The following BICD2 variants were observed in gnomAD, a reference collection of about 807,000 sequenced individuals.
BICD2 encodes BICD cargo adaptor 2, also known as protein bicaudal D homolog 2.
In BICD2, 25 loss-of-function variants were observed where a neutral mutation model predicts 72.9. That is an observed-to-expected ratio of 0.34 (90% CI 0.25 to 0.48). BICD2 has a LOEUF of 0.48. Among genes scored for constraint, BICD2 ranks in the 20% least tolerant of loss-of-function variants. The pLI, the probability that BICD2 is intolerant of heterozygous loss-of-function variation, is 0.99. For missense variants in BICD2, 894 were observed against 1,175.2 expected, an observed-to-expected ratio of 0.76 and a Z score of 3.50; for synonymous variants, 501 against 516.1, an observed-to-expected ratio of 0.97 and a Z score of 0.40.
At position 92,713,645 on chromosome 9, in the gene BICD2, G is replaced by A. The variant is rs1372796788; in HGVS notation, c.*1509C>T. 3.4e-6 allele frequency: 5 copies of A among 1,468,810 alleles called. No homozygotes were observed. In the Admixed American group the frequency reaches 6.6e-5, roughly 19 times the overall value. The allele number at this position is 1,468,810 out of a possible 1,614,324, so 91.0% of individuals were successfully genotyped here. Reference sequence around the variant, plus strand: ...CTGCAAAGTCCCTTAGGAGTATGGAGAGAAGCTATGTGCCAGGCTTGCAAG... The same window carrying A: ...CTGCAAAGTCCCTTAGGAGTATGGAAAGAAGCTATGTGCCAGGCTTGCAAG... On this transcript the variant is annotated 3_prime_UTR_variant, in exon 7 of 7. Coordinates refer to ENST00000356884, the MANE Select transcript of BICD2 (RefSeq NM_001003800.2).
chr9:92,736,879 C>T (rs1434710391), intron 1 of BICD2, among the ~76,000 whole-genome samples: 1 of 152,204 alleles, frequency 6.6e-6, no homozygotes, highest in African/African-American at 2.4e-5. Flanking sequence ...GGTGCACAGT[C>T]TGGCTGTAGC....
intron 1 of BICD2, among the ~76,000 whole-genome samples, chr9:92,741,993 A>G (rs1289078929): frequency 1.3e-5 from 2 of 152,248 alleles, no homozygotes; most frequent in African/African-American, 2.4e-5. Context: ...TAACCCCCAG[A>G]TATTAACTTA....
At position 92,715,264 on chromosome 9, in the gene BICD2, C is replaced by G; in HGVS notation, c.2458G>C (p.Ala820Pro). 1 of 1,613,054 alleles carries G rather than the reference C, an allele frequency of 6.2e-7. No individual in the cohort carries two copies. Among genetic ancestry groups the G allele is most frequent in the Non-Finnish European group, 8.5e-7 (1 of 1,179,902 alleles). Residue 820 changes from alanine to proline, a missense_variant, in exon 7 of 7, where the codon GCC (alanine) becomes CCC (proline). Physicochemically the swap from Ala to Pro is conservative, Grantham distance 27. Transcript: ENST00000356884. ...RAKAAPKTKP[A>P]TPSVSHTCAC... ...CAGGTGTGACTTACGCTCGGTGTGG[C>G]TGGCTTGGTCTTCGGGGCGGCTTTG...
intron 1 of BICD2, among the ~76,000 whole-genome samples, chr9:92,747,149 G>T (rs1461720663): frequency 6.6e-6 from 1 of 152,164 alleles, no homozygotes; most frequent in Non-Finnish European, 1.5e-5. Context: ...AGACCTTCTG[G>T]ATGACTTCCC....
intron 6 of BICD2, among the ~76,000 whole-genome samples, chr9:92,716,926 C>A (rs549895622): frequency 2.6e-5 from 4 of 152,326 alleles, no homozygotes; most frequent in Admixed American, 2.0e-4. Context: ...AAGCCCCGGC[C>A]CTCTCCTCAC....
Position 92,719,360 on chromosome 9 carries a change from T to C in BICD2, c.1285A>G (p.Ile429Val). Residue 429 changes from isoleucine to valine, a missense_variant, in exon 5 of 7, where the codon ATC (isoleucine) becomes GTC (valine). Physicochemically the swap from Ile to Val is conservative, Grantham distance 29. This residue lies in a region of BICD2 where 371 missense variants were observed against 439.1 expected (regional missense o/e 0.84). Transcript: ENST00000356884. ...HEDGDYYEVD[I>V]NGPEILACKY... ...CAGGCCAAGATCTCAGGCCCGTTGATGTCCACCTCGTAGTAGTCCCCATCC... is the reference window on the plus strand; with the variant it reads ...CAGGCCAAGATCTCAGGCCCGTTGACGTCCACCTCGTAGTAGTCCCCATCC... The C allele has an allele frequency of 1.9e-6, 3 of 1,614,220 alleles. No homozygotes were observed. Among genetic ancestry groups the C allele is most frequent in the Non-Finnish European group, 2.5e-6 (3 of 1,180,028 alleles).
Position 92,713,705 on chromosome 9 carries a change from G to A in BICD2, c.*1449C>T. The A allele has an allele frequency of 7.2e-7, 1 of 1,389,064 alleles. No homozygotes were observed. The highest frequency in any genetic ancestry group is 9.4e-7 in the Non-Finnish European group (1 of 1,067,948). The allele number at this position is 1,389,064 out of a possible 1,614,324, so 86.0% of individuals were successfully genotyped here. A position where few individuals can be genotyped will look rare whatever the true frequency, so the allele number is the denominator to read the frequency against. Reference sequence around the variant, plus strand: ...AAGCGCATGCAGGGTGGGCATGCCAGCAGCCATCCCACTGCGAGTCTTGCT... The same window carrying A: ...AAGCGCATGCAGGGTGGGCATGCCAACAGCCATCCCACTGCGAGTCTTGCT... On this transcript the variant is annotated 3_prime_UTR_variant, in exon 7 of 7. Transcript: ENST00000356884.
intron 1 of BICD2, among the ~76,000 whole-genome samples, chr9:92,735,141 G>A (rs1321079720): frequency 6.6e-6 from 1 of 152,176 alleles, no homozygotes; most frequent in Admixed American, 6.5e-5. Context: ...CTGGGTGTGA[G>A]GTCACCACCA....
chr9:92,725,055 T>TGA (rs1240428829), intron 2 of BICD2, among the ~76,000 whole-genome samples: 1 of 152,122 alleles, frequency 6.6e-6, no homozygotes, highest in Non-Finnish European at 1.5e-5. Context: ...CAGTGGGAAG[T>TGA]GAGAGCCCAG....
In BICD2 at chr9:92,713,386, G is replaced by T; in HGVS notation, c.*1768C>A. ...GGTTGCCCTTCCTTCCTCCTTGTGG[G>T]CCACGAGAGGGAAGGGGAAGGGGCT... is the stretch of plus-strand genomic sequence containing the variant. On this transcript the variant is annotated 3_prime_UTR_variant, in exon 7 of 7. Coordinates refer to ENST00000356884, the MANE Select transcript of BICD2 (RefSeq NM_001003800.2). The T allele has an allele frequency of 6.6e-7, 1 of 1,514,766 alleles. No individual in the cohort carries two copies. 93.8% of individuals were successfully genotyped at this position (1,514,766 alleles called of 1,614,324 possible).
intron 1 of BICD2, among the ~76,000 whole-genome samples, chr9:92,746,458 G>A (rs544615799): frequency 2.6e-5 from 4 of 151,932 alleles, no homozygotes; most frequent in South Asian, 2.1e-4. Flanking sequence ...GCTTGAACCC[G>A]GGAGCAGAGG....
In BICD2 at chr9:92,719,542, T is replaced by C; in HGVS notation, c.1103A>G (p.Asp368Gly). The C allele has an allele frequency of 6.2e-7, 1 of 1,611,126 alleles. No homozygotes were observed. The highest frequency in any genetic ancestry group is 8.5e-7 in the Non-Finnish European group (1 of 1,179,314). ...EKAGLLATLQ[D>G]TQKQLEHTRG... ...CGTGTGCTCCAGCTGCTTCTGTGTG[T>C]CCTGCAGCGTTGCCAGCAGGCCCGC... Residue 368 changes from aspartate (D) to glycine (G), a missense_variant, in exon 5 of 7, where the codon GAC (aspartate) becomes GGC (glycine). By Grantham distance (94) the Asp-to-Gly change is moderately conservative. This residue lies in a region of BICD2 where 371 missense variants were observed against 439.1 expected (regional missense o/e 0.84). Coordinates refer to ENST00000356884, the MANE Select transcript of BICD2 (RefSeq NM_001003800.2).
At position 92,720,293 on chromosome 9, in the gene BICD2, T is replaced by G. The variant is rs766675228; in HGVS notation, c.1062+7A>C. ...ACAGCGTGCCGAAGGCCCCACTGCC[T>G]GCTCACCTGCATCAGCTGCTGCTTC... On this transcript the variant is annotated splice_region_variant and intron_variant, in intron 4 of 6. Transcript: ENST00000356884. The surrounding 1 kb of genome is among the most constrained non-coding windows in gnomAD (Gnocchi z 5.4). 2 of 1,603,344 alleles carry G rather than the reference T, an allele frequency of 1.2e-6. No homozygotes were observed. Among genetic ancestry groups the G allele is most frequent in the Non-Finnish European group, 1.7e-6 (2 of 1,174,166 alleles).
chr9:92,745,184 A>G (rs1368746672), intron 1 of BICD2, among the ~76,000 whole-genome samples: 1 of 152,180 alleles, frequency 6.6e-6, no homozygotes, highest in East Asian at 1.9e-4. Flanking sequence ...CCCCACAAAC[A>G]GATGTACAGC....
intron 1 of BICD2, among the ~76,000 whole-genome samples, chr9:92,734,781 G>T (rs1853745354): frequency 6.6e-6 from 1 of 152,150 alleles, no homozygotes; most frequent in South Asian, 2.1e-4. Context: ...GCCCTGCAGG[G>T]TATGATCCCC....
In BICD2 at chr9:92,764,514, C is replaced by G; in HGVS notation, c.231G>C (p.Gln77His). 1 of 1,532,756 alleles carries G rather than the reference C, an allele frequency of 6.5e-7. No homozygotes were observed. Among genetic ancestry groups the G allele is most frequent in the Non-Finnish European group, 8.8e-7 (1 of 1,139,532 alleles). The allele number at this position is 1,532,756 out of a possible 1,614,324, so 94.9% of individuals were successfully genotyped here. A position where few individuals can be genotyped will look rare whatever the true frequency, so the allele number is the denominator to read the frequency against. Residue 77 changes from glutamine (Q) to histidine (H), a missense_variant, in exon 1 of 7, where the codon CAG (glutamine) becomes CAC (histidine). By Grantham distance (24) the Gln-to-His change is conservative. Around this residue, in one of 5 missense-constraint regions of BICD2, gnomAD observed 192 missense variants for 243.6 expected, o/e 0.79. Coordinates refer to ENST00000356884, the MANE Select transcript of BICD2 (RefSeq NM_001003800.2). This position sits in a 1 kb window ranked among gnomAD's most constrained non-coding sequence, Gnocchi z 5.5. ...DYEAIRSEME[Q>H]LKEAFGQAHT... ...GGGCGGCTCGGCTCACCTCCTTGAG[C>G]TGCTCCATCTCGCTGCGGATAGCCT...
chr9:92,759,822 C>A (rs1265439876), intron 1 of BICD2, among the ~76,000 whole-genome samples: 5 of 152,214 alleles, frequency 3.3e-5, no homozygotes, highest in African/African-American at 1.2e-4. Context: ...TCTGGTCCAC[C>A]TATGTGGGGA....
chr9:92,748,302 C>G (rs576629199), intron 1 of BICD2, among the ~76,000 whole-genome samples: 4 of 152,154 alleles, frequency 2.6e-5, no homozygotes, highest in Non-Finnish European at 5.9e-5. Flanking sequence ...GAATCACGCA[C>G]GATGTGCACA....
chr9:92,728,695 T>A lies in BICD2; in HGVS notation c.453+329A>T, dbSNP rs559509309. Among the ~76,000 whole-genome samples, 11 of 152,332 alleles carry A rather than the reference T, an allele frequency of 7.2e-5. 2 individuals are homozygous for A. Among genetic ancestry groups the A allele is most frequent in the African/African-American group, 2.6e-4 (11 of 41,582 alleles). ...AATGACGAGGAGTGCCCCATGGGCATCAGCCCTTAGCCTCCACAAGGGGCT... is the reference window on the plus strand; with the variant it reads ...AATGACGAGGAGTGCCCCATGGGCAACAGCCCTTAGCCTCCACAAGGGGCT... On this transcript the variant is annotated intron_variant, in intron 2 of 6. Transcript: ENST00000356884.
Sources: allele counts gnomAD v4.1 joint callset (sites outside exome capture counted in the v4.1 genomes callset), GRCh38; gene constraint gnomAD v4.1.1; regional missense constraint gnomAD v4.1.1; non-coding constraint Gnocchi (gnomAD v3.1); transcripts MANE v1.5; gene names NCBI Gene and HGNC (gene_info 2026-07-23, HGNC 2026-07-21).